The following BBOF1 variants were observed in gnomAD, a reference collection of about 807,000 sequenced individuals.
BBOF1 encodes the protein basal body-orientation factor 1.
Under a neutral mutation model 68.0 loss-of-function variants are expected in BBOF1, and 62 were observed. The observed-to-expected ratio is 0.91, with a 90% CI of 0.74 to 1.13. The LOEUF (loss-of-function observed/expected upper bound fraction) is 1.13, where lower values mean the gene tolerates loss of function less well. Ranked by LOEUF, BBOF1 falls within the 50% of genes most tolerant of loss-of-function variation. The pLI is 0.00. For missense variants in BBOF1, 534 were observed against 600.1 expected, an observed-to-expected ratio of 0.89 and a Z score of 1.15; for synonymous variants, 208 against 198.8, an observed-to-expected ratio of 1.05 and a Z score of -0.39.
At chr14:74,054,254 C>T (rs1264340643) in intron 8 of BBOF1, among the ~76,000 whole-genome samples, 2 of 152,180 alleles carry the variant, frequency 1.3e-5, no homozygotes, top group Non-Finnish European at 2.9e-5. Flanking sequence ...TCATGAACCA[C>T]CCACCTTGGC....
chr14:74,056,547 G>A (rs960892356), intron 9 of BBOF1, among the ~76,000 whole-genome samples: 1 of 152,076 alleles, frequency 6.6e-6, no homozygotes, highest in South Asian at 2.1e-4. Flanking sequence ...TGTTGGCCAG[G>A]CTGGTCACAA....
chr14:74,079,582 G>A (rs530103062), intron 10 of BBOF1, among the ~76,000 whole-genome samples: 61 of 151,990 alleles, frequency 4.0e-4, no homozygotes, highest in Non-Finnish European at 5.3e-4. Context: ...ACAGGCGCCC[G>A]CCACCATGCC....
chr14:74,036,754 T>C (rs1595043118), intron 4 of BBOF1, among the ~76,000 whole-genome samples: 3 of 150,470 alleles, frequency 2.0e-5, no homozygotes. Context: ...CACACCTTAA[T>C]GTGAAAGTCA....
rs2059805452 is a variant in BBOF1 at position 74,040,430 on chromosome 14, A to AT, written c.496-129dup. On this transcript the variant is annotated intron_variant, in intron 4 of 11. Coordinates refer to ENST00000394009, the MANE Select transcript of BBOF1 (RefSeq NM_025057.3). ...TTGGTACTCGGAGGCAGGAACACAG[A>AT]TTTTTTCTGTGTGTTCAGGATTAAG... 2.0e-5 allele frequency: 12 copies of AT among 602,990 alleles called. No individual in the cohort carries two copies. In the South Asian group the frequency reaches 2.7e-4, roughly 14 times the overall value. The allele number at this position is 602,990 out of a possible 1,614,324, so 37.4% of individuals were successfully genotyped here.
chr14:74,055,252 G>A (rs987713634), intron 8 of BBOF1: 9 of 227,124 alleles, frequency 4.0e-5, no homozygotes, highest in Admixed American at 2.3e-4. Context: ...GGGTTCAAGC[G>A]ATTCTCCTGC....
At chr14:74,039,957 T>C (rs1211113075) in intron 4 of BBOF1, among the ~76,000 whole-genome samples, 1 of 152,116 alleles carries the variant, frequency 6.6e-6, no homozygotes, top group Non-Finnish European at 1.5e-5. Flanking sequence ...TGATACTAAT[T>C]TTTAAAGTCT....
chr14:74,074,802 G>T (rs954112877), intron 9 of BBOF1, among the ~76,000 whole-genome samples: 2 of 152,172 alleles, frequency 1.3e-5, no homozygotes, highest in East Asian at 3.8e-4. Context: ...TTTTGACATG[G>T]TAATCCATTT....
intron 5 of BBOF1, among the ~76,000 whole-genome samples, chr14:74,042,611 A>T (rs1158225505): frequency 6.6e-6 from 1 of 152,148 alleles, no homozygotes; most frequent in Non-Finnish European, 1.5e-5. Flanking sequence ...ACTTTCCCAG[A>T]AGCTGTTAGC....
intron 9 of BBOF1, among the ~76,000 whole-genome samples, chr14:74,056,537 T>C (rs2060211147): frequency 1.3e-5 from 2 of 151,974 alleles, no homozygotes; most frequent in African/African-American, 4.8e-5. Context: ...GGTTTCACCA[T>C]GTTGGCCAGG....
intron 11 of BBOF1, among the ~76,000 whole-genome samples, chr14:74,063,927 G>GTCTGAACACA (rs2060406692): frequency 6.6e-6 from 1 of 151,888 alleles, no homozygotes; most frequent in African/African-American, 2.4e-5. Flanking sequence ...TGGCTTAGCT[G>GTCTGAACACA]GGATTTGAAC....
At chr14:74,028,467 T>TACACACACAC (rs34677110) in intron 2 of BBOF1, among the ~76,000 whole-genome samples, 162 of 138,290 alleles carry the variant, frequency 1.2e-3, no homozygotes, top group African/African-American at 4.1e-3. Context: ...ACTAAAGAAA[T>TACACACACAC]ACACACACAC....
At position 74,046,041 on chromosome 14, in the gene BBOF1, A is replaced by G. The variant is rs200660156; in HGVS notation, c.577-19A>G. On this transcript the variant is annotated intron_variant, in intron 5 of 11. Coordinates refer to ENST00000394009, the MANE Select transcript of BBOF1 (RefSeq NM_025057.3). ...TTGTTAGGGGCATAATTATTTAAGCAGCCCATTTTCTTTTTTAGCACCGAC... is the reference window on the plus strand; with the variant it reads ...TTGTTAGGGGCATAATTATTTAAGCGGCCCATTTTCTTTTTTAGCACCGAC... 4 of 1,588,160 alleles carry G rather than the reference A, an allele frequency of 2.5e-6. No individual in the cohort carries two copies. In the South Asian group the frequency reaches 3.5e-5, roughly 14 times the overall value.
At chr14:74,066,554 T>G (rs887106314), downstream of BBOF1, 14 of 822,436 alleles carry the variant, frequency 1.7e-5, no homozygotes, top group African/African-American at 2.4e-4. Flanking sequence ...AAGGAGAGGC[T>G]CATTCAGACT....
At chr14:74,033,747 G>A (rs1175410504) in intron 3 of BBOF1, among the ~76,000 whole-genome samples, 1 of 151,816 alleles carries the variant, frequency 6.6e-6, no homozygotes, top group Non-Finnish European at 1.5e-5. Context: ...CATGGTGGCG[G>A]GCACCTGTAG....
intron 6 of BBOF1, chr14:74,046,713 G>T (rs541487988): frequency 6.6e-6 from 1 of 152,308 alleles, no homozygotes; most frequent in Admixed American, 6.6e-5. Flanking sequence ...CTAACTAACC[G>T]TAGGAAGATT....
chr14:74,046,618 C>G (rs1306984800), intron 6 of BBOF1: 2 of 153,026 alleles, frequency 1.3e-5, no homozygotes, highest in African/African-American at 4.8e-5. Context: ...AGTTATCCAC[C>G]CACCTCAACC....
At chr14:74,060,513 C>G (rs2060315776) in intron 11 of BBOF1, 1 of 771,952 alleles carries the variant, frequency 1.3e-6, no homozygotes, top group Non-Finnish European at 2.3e-6. Context: ...GGTTAATAGT[C>G]CTGAGGAAGA....
At chr14:74,052,424 A>G (rs1244644313) in intron 8 of BBOF1, among the ~76,000 whole-genome samples, 1 of 151,664 alleles carries the variant, frequency 6.6e-6, no homozygotes, top group East Asian at 1.9e-4. Context: ...AGACAGGTGG[A>G]TCAAGAGGTC....
chr14:74,056,906 G>T lies in BBOF1; in HGVS notation c.1389G>T (p.Arg463Ser). 6.2e-7 allele frequency: 1 copy of T among 1,610,980 alleles called. No individual in the cohort carries two copies. The highest frequency in any genetic ancestry group is 1.1e-5 in the South Asian group (1 of 90,950). The change falls in exon 10 of 12, where the codon AGG becomes AGT. Residue 463 changes from arginine (R) to serine (S), a missense_variant and splice_region_variant. Arg to Ser is a moderately radical substitution (Grantham distance 110, BLOSUM62 -1). Coordinates refer to ENST00000394009, the MANE Select transcript of BBOF1 (RefSeq NM_025057.3). The stretch of plus-strand genomic sequence containing the variant: ...CTTTGTTGACTTTTACCCACTACAG[G>T]AAATACAACCAGAGTTCTAGGCCTC... Reference protein sequence around the residue: ...LFAKMNGCPSRKYNQSSRPPV... With the variant: ...LFAKMNGCPSSKYNQSSRPPV...
Sources: gnomAD v4.1 joint callset for allele counts (sites outside exome capture counted in the v4.1 genomes callset) on GRCh38, gnomAD v4.1.1 for gene constraint, MANE v1.5 for transcripts, NCBI Gene and HGNC (gene_info 2026-07-23, HGNC 2026-07-21) for gene names.